DPP10: variants seen among roughly 807,000 people sequenced by gnomAD.
DPP10 encodes inactive dipeptidyl peptidase 10.
In DPP10, 33 loss-of-function variants were observed where a neutral mutation model predicts 120.9. The ratio of observed to expected loss-of-function variants is 0.27; its 90% CI spans 0.21 to 0.37. The LOEUF is 0.37. Ranked by LOEUF, DPP10 falls within the 10% of genes least tolerant of loss-of-function variation. The pLI is 1.00. For missense variants in DPP10, 816 were observed against 942.8 expected (o/e 0.87, Z 1.76); for synonymous variants, 337 against 326.1 (o/e 1.03, Z -0.36).
chr2:114,731,561 C>T (rs999190571), intron 1 of DPP10, among the ~76,000 whole-genome samples: 2 of 152,118 alleles, frequency 1.3e-5, no homozygotes, highest in Non-Finnish European at 2.9e-5. Context: ...ATATCCCTCT[C>T]ACAGGAAACT....
chr2:115,309,898 C>T (rs937704316), intron 2 of DPP10, among the ~76,000 whole-genome samples: 1 of 151,936 alleles, frequency 6.6e-6, no homozygotes, highest in African/African-American at 2.4e-5. Flanking sequence ...GCAAATTGCC[C>T]CTGCAATGAT....
chr2:114,854,238 G>A (rs886426967), intron 1 of DPP10, among the ~76,000 whole-genome samples: 1 of 152,114 alleles, frequency 6.6e-6, no homozygotes, highest in South Asian at 2.1e-4. Context: ...TATTTGTAAA[G>A]CATTAGAAAA....
At chr2:115,253,168 A>T (rs1166849381) in intron 1 of DPP10, among the ~76,000 whole-genome samples, 1 of 152,044 alleles carries the variant, frequency 6.6e-6, no homozygotes, top group Non-Finnish European at 1.5e-5. Flanking sequence ...GGAGCAGGAG[A>T]GGGAGTGGGG....
At chr2:115,681,951 C>T (rs12990171) in intron 5 of DPP10, among the ~76,000 whole-genome samples, 22,176 of 151,640 alleles carry the variant, frequency 0.15, 2,183 homozygotes, top group African/African-American at 0.28. Context: ...GACCACTTTT[C>T]GAAGTCATGG....
intron 3 of DPP10, among the ~76,000 whole-genome samples, chr2:115,403,765 A>C (rs2068292097): frequency 1.3e-5 from 2 of 152,134 alleles, no homozygotes; most frequent in African/African-American, 4.8e-5. Context: ...CAATAAAACA[A>C]AATAAAAGGC....
intron 1 of DPP10, among the ~76,000 whole-genome samples, chr2:114,689,325 A>T (rs1699583438): frequency 6.6e-6 from 1 of 151,934 alleles, no homozygotes; most frequent in African/African-American, 2.4e-5. Flanking sequence ...AAGTGAGAGC[A>T]TGTGGCGTTT....
At chr2:115,473,840 A>G (rs2074895592) in intron 3 of DPP10, among the ~76,000 whole-genome samples, 1 of 152,206 alleles carries the variant, frequency 6.6e-6, no homozygotes, top group Non-Finnish European at 1.5e-5. Context: ...TGTGTACATT[A>G]CATAGCAATG....
At chr2:115,152,218 T>A (rs1022016759) in intron 1 of DPP10, among the ~76,000 whole-genome samples, 1 of 152,226 alleles carries the variant, frequency 6.6e-6, no homozygotes, top group Non-Finnish European at 1.5e-5. Context: ...TCACAAATAC[T>A]TAACATTGCC....
At chr2:114,825,751 A>G (rs1558780067) in intron 1 of DPP10, among the ~76,000 whole-genome samples, 1 of 152,216 alleles carries the variant, frequency 6.6e-6, no homozygotes, top group Non-Finnish European at 1.5e-5. Flanking sequence ...TGGAATAGAT[A>G]TTCAACTCAG....
intron 1 of DPP10, among the ~76,000 whole-genome samples, chr2:115,021,674 A>G (rs1390392586): frequency 1.3e-5 from 2 of 152,106 alleles, no homozygotes; most frequent in Admixed American, 1.3e-4. Context: ...AGCCAGTATC[A>G]CCCTAATACC....
intron 1 of DPP10, among the ~76,000 whole-genome samples, chr2:115,134,956 T>C (rs556492302): frequency 6.6e-6 from 1 of 152,094 alleles, no homozygotes; most frequent in South Asian, 2.1e-4. Context: ...CGTTCCACAC[T>C]GCTGCTCTAA....
intron 1 of DPP10, among the ~76,000 whole-genome samples, chr2:115,002,105 G>A (rs1159988799): frequency 6.6e-6 from 1 of 152,080 alleles, no homozygotes; most frequent in Non-Finnish European, 1.5e-5. Context: ...AGAGCTGGAG[G>A]CATCATGTCA....
At chr2:115,774,580 A>ATTTGTTGAC (rs1198380568) in intron 13 of DPP10, among the ~76,000 whole-genome samples, 1 of 152,144 alleles carries the variant, frequency 6.6e-6, no homozygotes, top group Non-Finnish European at 1.5e-5. Flanking sequence ...CTTTGCACTT[A>ATTTGTTGAC]TACCTCTAGT....
intron 5 of DPP10, among the ~76,000 whole-genome samples, chr2:115,550,535 C>G (rs959780041): frequency 2.0e-5 from 3 of 152,140 alleles, no homozygotes; most frequent in East Asian, 3.9e-4. Flanking sequence ...ATATCCCCTT[C>G]ATTTTCTAAC....
chr2:115,193,243 A>G (rs183425328), intron 1 of DPP10, among the ~76,000 whole-genome samples: 256 of 152,246 alleles, frequency 1.7e-3, no homozygotes, highest in African/African-American at 5.5e-3. Context: ...CTTTTTTTAA[A>G]CAACCAGTTA....
rs115759199 is a variant in DPP10, at chr2:115,085,593, A to C, written c.61-223646A>C. Among the ~76,000 whole-genome samples, 1,024 of 152,320 alleles carry C rather than the reference A, an allele frequency of 6.7e-3. 8 individuals carry two copies. Among genetic ancestry groups the C allele is most frequent in the Non-Finnish European group, 0.011 (748 of 68,036 alleles). ...AAAAAGCCAAATTTCAAACTGGAAAATCAGAAGCAGGTAGTGGCCAGTGCC... is the reference window on the plus strand; with the variant it reads ...AAAAAGCCAAATTTCAAACTGGAAACTCAGAAGCAGGTAGTGGCCAGTGCC... On this transcript the variant is annotated intron_variant, in intron 1 of 25. Transcript: ENST00000410059.
At chr2:114,554,124 G>A (rs958050281) in intron 1 of DPP10, among the ~76,000 whole-genome samples, 2 of 152,142 alleles carry the variant, frequency 1.3e-5, no homozygotes, top group African/African-American at 4.8e-5. Context: ...TAATTAAAAG[G>A]GGTCCGGGTT....
intron 1 of DPP10, among the ~76,000 whole-genome samples, chr2:114,574,756 G>C (rs1413149027): frequency 6.6e-6 from 1 of 152,182 alleles, no homozygotes; most frequent in African/African-American, 2.4e-5. Context: ...TTATGTGAGA[G>C]AATGCAACTC....
intron 3 of DPP10, among the ~76,000 whole-genome samples, chr2:115,434,603 G>T (rs2071310108): frequency 8.1e-6 from 1 of 123,416 alleles, no homozygotes; most frequent in Non-Finnish European, 2.0e-5. Flanking sequence ...ATAGTTTGAT[G>T]CATGTATATA....
Sources: gnomAD v4.1 joint callset for allele counts (sites outside exome capture counted in the v4.1 genomes callset) on GRCh38, gnomAD v4.1.1 for gene constraint, MANE v1.5 for transcripts, NCBI Gene and HGNC (gene_info 2026-07-23, HGNC 2026-07-21) for gene names.